Variants in DNER observed in about 807,000 individuals in gnomAD.
DNER encodes delta and Notch-like epidermal growth factor-related receptor.
In DNER, 33 loss-of-function variants were observed where a neutral mutation model predicts 78.2. The observed-to-expected ratio is 0.42, with a 90% CI of 0.32 to 0.56. The LOEUF (loss-of-function observed/expected upper bound fraction) is 0.56, where lower values mean the gene tolerates loss of function less well. DNER is among the 20% of genes least tolerant of loss of function. The pLI is 0.11. For synonymous variants in DNER, 417 were observed against 384.8 expected, an observed-to-expected ratio of 1.08 and a Z score of -0.98; for missense variants, 918 against 975.3, an observed-to-expected ratio of 0.94 and a Z score of 0.78.
intron 11 of DNER, among the ~76,000 whole-genome samples, chr2:229,380,221 C>T (rs1429714325): frequency 1.3e-5 from 2 of 151,858 alleles, no homozygotes; most frequent in Non-Finnish European, 2.9e-5. Context: ...TTAGAAAACA[C>T]TGAGAATGAG....
chr2:229,363,143 A>G (rs993000801), intron 12 of DNER, among the ~76,000 whole-genome samples: 2 of 152,190 alleles, frequency 1.3e-5, no homozygotes, highest in Non-Finnish European at 2.9e-5. Flanking sequence ...AAGCAAAGCA[A>G]GCATGTTGCA....
At chr2:229,619,134 T>C (rs889298731) in intron 1 of DNER, among the ~76,000 whole-genome samples, 3 of 150,966 alleles carry the variant, frequency 2.0e-5, no homozygotes, top group Non-Finnish European at 2.9e-5. Context: ...TGAAACCCTG[T>C]CTCTAAAAAA....
chr2:229,595,564 G>C (rs1697697107), intron 1 of DNER, among the ~76,000 whole-genome samples: 1 of 152,154 alleles, frequency 6.6e-6, no homozygotes, highest in Admixed American at 6.5e-5. Flanking sequence ...TTATAGACAT[G>C]AGCCACTGTG....
rs1240756093 is a variant in DNER, at chr2:229,618,975, TC to T, written c.277-27088del. ...ATAGCGAGACTCCCTCTACACCCAC[TC>T]CTGCTGCCCATCTCTACAAAAAATT... On this transcript the variant is annotated intron_variant, in intron 1 of 12. Coordinates refer to ENST00000341772, the MANE Select transcript of DNER (RefSeq NM_139072.4). Among the ~76,000 whole-genome samples, 12 of 152,164 alleles carry T rather than the reference TC, an allele frequency of 7.9e-5. No homozygotes were observed. The East Asian group carries it at 2.3e-3, about 29-fold the overall frequency.
At chr2:229,536,865 G>A (rs923409030) in intron 5 of DNER, among the ~76,000 whole-genome samples, 2 of 152,126 alleles carry the variant, frequency 1.3e-5, no homozygotes, top group African/African-American at 2.4e-5. Context: ...CCACACCCAT[G>A]GGAATTCTCT....
intron 4 of DNER, among the ~76,000 whole-genome samples, chr2:229,567,037 T>C (rs1697123133): frequency 6.6e-6 from 1 of 152,200 alleles, no homozygotes; most frequent in African/African-American, 2.4e-5. Context: ...TCCAGCCTCA[T>C]GCTTTGTTGC....
At chr2:229,698,433 A>C (rs1318378665) in intron 1 of DNER, among the ~76,000 whole-genome samples, 1 of 152,190 alleles carries the variant, frequency 6.6e-6, no homozygotes, top group African/African-American at 2.4e-5. Context: ...AAAGCTCTTG[A>C]CTTCGCCTAA....
chr2:229,364,844 C>CTTTTTTTTT (rs34346714), intron 12 of DNER, among the ~76,000 whole-genome samples: 2 of 75,478 alleles, frequency 2.6e-5, no homozygotes, highest in Non-Finnish European at 2.4e-5. Context: ...CTCTCTCTCT[C>CTTTTTTTTT]TTTTTTTTTT....
intron 1 of DNER, among the ~76,000 whole-genome samples, chr2:229,645,016 GA>G (rs5839346): frequency 3.5e-4 from 51 of 147,610 alleles, no homozygotes; most frequent in Middle Eastern, 3.5e-3. Flanking sequence ...GCCTTTAGTA[GA>G]AAAAAAAAAA....
At chr2:229,378,453 C>T (rs769305514) in intron 11 of DNER, among the ~76,000 whole-genome samples, 9 of 152,178 alleles carry the variant, frequency 5.9e-5, no homozygotes, top group Non-Finnish European at 1.3e-4. Flanking sequence ...ATGACCTTGA[C>T]CTGCTCAAGG....
At chr2:229,672,412 G>GA (rs1378729589) in intron 1 of DNER, among the ~76,000 whole-genome samples, 1 of 151,794 alleles carries the variant, frequency 6.6e-6, no homozygotes, top group Admixed American at 6.6e-5. Flanking sequence ...GGAGGGAGGG[G>GA]GGAGAGAGAG....
intron 9 of DNER, among the ~76,000 whole-genome samples, chr2:229,412,808 G>A (rs1693552134): frequency 6.6e-6 from 1 of 152,314 alleles, no homozygotes; most frequent in Admixed American, 6.5e-5. Flanking sequence ...GCTCAGTGGG[G>A]CAAAGGGACA....
chr2:229,714,123 C>T, intron 1 of DNER, 25 bp downstream of exon 1: 1 of 1,283,898 alleles, frequency 7.8e-7, no homozygotes, highest in South Asian at 2.4e-5. Context: ...CAGCGCCCCG[C>T]ACCGCGCCCG....
At chr2:229,433,413 C>G (rs1302831695) in intron 8 of DNER, among the ~76,000 whole-genome samples, 7 of 152,080 alleles carry the variant, frequency 4.6e-5, no homozygotes, top group African/African-American at 1.7e-4. Context: ...ACCCTCCTCT[C>G]GAGGTTTACA....
At chr2:229,513,534 A>C (rs1695914686) in intron 5 of DNER, among the ~76,000 whole-genome samples, 1 of 152,190 alleles carries the variant, frequency 6.6e-6, no homozygotes, top group Admixed American at 6.5e-5. Context: ...AAAGACCATA[A>C]CTCAGACACA....
chr2:229,482,723 A>C (rs1695191703), intron 6 of DNER, among the ~76,000 whole-genome samples: 1 of 152,244 alleles, frequency 6.6e-6, no homozygotes. Flanking sequence ...AAATTACTGA[A>C]GAAAGTTAGC....
rs759589862 is a variant in DNER at position 229,714,288 on chromosome 2, C to G, written c.136G>C (p.Gly46Arg). The G allele has an allele frequency of 7.5e-7, 1 of 1,338,402 alleles. No individual in the cohort carries two copies. The highest frequency in any genetic ancestry group is 9.6e-7 in the Non-Finnish European group (1 of 1,046,904). 82.9% of individuals were successfully genotyped at this position (1,338,402 alleles called of 1,614,324 possible). A position where few individuals can be genotyped will look rare whatever the true frequency, so the allele number is the denominator to read the frequency against. The change falls in exon 1 of 13, where the codon GGG becomes CGG. Residue 46 changes from glycine (G) to arginine (R), a missense_variant. Transcript: ENST00000341772. ...PVPAAPLSAP[G>R]PCAAQPCRNG... ...CGGCAGGGCTGCGCGGCGCACGGCC[C>G]GGGCGCAGACAGGGGCGCGGCGGGC...
chr2:229,601,331 A>T (rs1188950073), intron 1 of DNER, among the ~76,000 whole-genome samples: 4 of 152,150 alleles, frequency 2.6e-5, no homozygotes, highest in Admixed American at 6.5e-5. Context: ...AGGAATAAAG[A>T]TATAAAAAAA....
At position 229,555,854 on chromosome 2, in the gene DNER, TG is replaced by T. The variant is rs569419797; in HGVS notation, c.848-8763del. ...AGAGAAATGGAGCCTGCTAGAATGTTGGGATGCTACCAGTTCTTATTCCAAG... is the reference window on the plus strand; with the variant it reads ...AGAGAAATGGAGCCTGCTAGAATGTTGGATGCTACCAGTTCTTATTCCAAG... On this transcript the variant is annotated intron_variant, in intron 4 of 12. Coordinates refer to ENST00000341772, the MANE Select transcript of DNER (RefSeq NM_139072.4). Among the ~76,000 whole-genome samples, 316 of 152,332 alleles carry T rather than the reference TG, an allele frequency of 2.1e-3. 7 individuals carry two copies. Among genetic ancestry groups the T allele is most frequent in the Non-Finnish European group, 2.7e-3 (187 of 68,024 alleles).
Sources: allele counts gnomAD v4.1 joint callset (sites outside exome capture counted in the v4.1 genomes callset), GRCh38; gene constraint gnomAD v4.1.1; transcripts MANE v1.5; gene names NCBI Gene and HGNC (gene_info 2026-07-23, HGNC 2026-07-21).